Variants in KCNH1 observed in about 807,000 individuals in gnomAD.
KCNH1 encodes the protein potassium voltage-gated channel subfamily H member 1.
In KCNH1, 27 loss-of-function variants were observed where a neutral mutation model predicts 69.2. That is an observed-to-expected ratio of 0.39 (90% CI 0.29 to 0.54). The LOEUF (loss-of-function observed/expected upper bound fraction) is 0.54. Among genes scored for constraint, KCNH1 ranks in the 20% least tolerant of loss-of-function variants. KCNH1 has a pLI of 0.68. For missense variants in KCNH1, 798 were observed against 1,261.6 expected (o/e 0.63, Z 5.57); for synonymous variants, 456 against 487.7 (o/e 0.93, Z 0.86).
intron 5 of KCNH1, among the ~76,000 whole-genome samples, chr1:211,026,282 A>C (rs1689681786): frequency 6.6e-6 from 1 of 151,614 alleles, no homozygotes; most frequent in Admixed American, 6.6e-5. Context: ...TAGGAATGAC[A>C]CAGTGGTGAG....
intron 6 of KCNH1, among the ~76,000 whole-genome samples, chr1:210,979,217 T>C (rs1276860147): frequency 1.3e-5 from 2 of 152,116 alleles, no homozygotes; most frequent in Admixed American, 1.3e-4. Flanking sequence ...AAAGCTGTAG[T>C]AGGAGGAGGG....
intron 2 of KCNH1, among the ~76,000 whole-genome samples, chr1:211,105,518 C>T (rs1215261960): frequency 2.6e-5 from 4 of 152,134 alleles, no homozygotes; most frequent in Non-Finnish European, 5.9e-5. Flanking sequence ...AAAGAGACTC[C>T]TGAGCTATCA....
intron 10 of KCNH1, among the ~76,000 whole-genome samples, chr1:210,748,970 C>G (rs1010473647): frequency 1.3e-5 from 2 of 152,234 alleles, no homozygotes; most frequent in African/African-American, 4.8e-5. Flanking sequence ...TTCACAGACT[C>G]TCCTTGCCCT....
At chr1:211,105,805 A>G (rs1691338830) in intron 2 of KCNH1, among the ~76,000 whole-genome samples, 1 of 152,202 alleles carries the variant, frequency 6.6e-6, no homozygotes, top group Non-Finnish European at 1.5e-5. Context: ...ATCTATAAAT[A>G]CCTAAGAGGA....
intron 5 of KCNH1, among the ~76,000 whole-genome samples, chr1:211,072,089 A>C (rs1404033966): frequency 6.6e-6 from 1 of 152,182 alleles, no homozygotes; most frequent in Non-Finnish European, 1.5e-5. Flanking sequence ...CAGCCTGGCC[A>C]GCATGGTGAA....
chr1:210,918,484 G>A (rs1326835668), intron 7 of KCNH1, among the ~76,000 whole-genome samples: 1 of 152,120 alleles, frequency 6.6e-6, no homozygotes, highest in Non-Finnish European at 1.5e-5. Flanking sequence ...TTCCATCCCA[G>A]TTAGGTCCCT....
At chr1:211,042,817 A>C (rs1690021751) in intron 5 of KCNH1, among the ~76,000 whole-genome samples, 1 of 152,196 alleles carries the variant, frequency 6.6e-6, no homozygotes, top group Non-Finnish European at 1.5e-5. Flanking sequence ...TCCAAAAGGA[A>C]CCTTCAAAGC....
At chr1:210,907,738 G>A (rs1381752260) in intron 7 of KCNH1, among the ~76,000 whole-genome samples, 2 of 152,134 alleles carry the variant, frequency 1.3e-5, no homozygotes, top group African/African-American at 2.4e-5. Flanking sequence ...CCATCCCAGT[G>A]GGGGTGGGGG....
At chr1:210,817,189 C>T (rs1044020393) in intron 7 of KCNH1, among the ~76,000 whole-genome samples, 1 of 152,100 alleles carries the variant, frequency 6.6e-6, no homozygotes, top group South Asian at 2.1e-4. Context: ...CAATCTTCTA[C>T]CACATGGGAT....
At chr1:210,747,351 C>T (rs1683182535) in intron 10 of KCNH1, among the ~76,000 whole-genome samples, 1 of 151,894 alleles carries the variant, frequency 6.6e-6, no homozygotes, top group Admixed American at 6.6e-5. Context: ...AAATCAGGGT[C>T]TAAGGAGGTA....
intron 7 of KCNH1, among the ~76,000 whole-genome samples, chr1:210,871,365 C>T (rs1012440662): frequency 2.0e-5 from 3 of 152,152 alleles, no homozygotes; most frequent in African/African-American, 4.8e-5. Context: ...CCATCTCACA[C>T]CAGTTAGAAT....
At chr1:211,028,473 T>G (rs905562039) in intron 5 of KCNH1, among the ~76,000 whole-genome samples, 15 of 150,890 alleles carry the variant, frequency 9.9e-5, no homozygotes, top group Admixed American at 6.6e-5. Flanking sequence ...TCGATGAAAT[T>G]AAAAACAGGA....
At chr1:210,938,016 A>C (rs1041313921) in intron 6 of KCNH1, among the ~76,000 whole-genome samples, 1 of 152,178 alleles carries the variant, frequency 6.6e-6, no homozygotes, top group East Asian at 1.9e-4. Flanking sequence ...TCCTGACCTC[A>C]AGACCTCTAT....
intron 9 of KCNH1, among the ~76,000 whole-genome samples, chr1:210,793,262 G>A (rs1419516828): frequency 6.6e-6 from 1 of 152,120 alleles, no homozygotes; most frequent in East Asian, 1.9e-4. Context: ...CTAGGTTTCT[G>A]GGACCACGTT....
chr1:211,131,902 C>T (rs1014703025), intron 1 of KCNH1, among the ~76,000 whole-genome samples: 4 of 152,114 alleles, frequency 2.6e-5, no homozygotes, highest in African/African-American at 7.2e-5. Context: ...AATGACAATG[C>T]CCATCCTAAA....
At chr1:210,987,871 G>C (rs897180225) in intron 6 of KCNH1, among the ~76,000 whole-genome samples, 1 of 152,218 alleles carries the variant, frequency 6.6e-6, no homozygotes, top group African/African-American at 2.4e-5. Flanking sequence ...TCTGTGCCCT[G>C]CCCCTAGAGG....
At chr1:210,903,522 A>G (rs1470784952) in intron 7 of KCNH1, among the ~76,000 whole-genome samples, 1 of 152,150 alleles carries the variant, frequency 6.6e-6, no homozygotes, top group Non-Finnish European at 1.5e-5. Context: ...AAATAGCAAA[A>G]TTTTTTTCAT....
chr1:211,050,888 AT>A (rs1269727849), intron 5 of KCNH1, among the ~76,000 whole-genome samples: 1 of 152,196 alleles, frequency 6.6e-6, no homozygotes, highest in Non-Finnish European at 1.5e-5. Context: ...TCCTTTTCTC[AT>A]TCATTCATTC....
chr1:211,090,517 G>GAGCC (rs774427565), intron 4 of KCNH1, 45 bp downstream of exon 4: 1 of 1,539,168 alleles, frequency 6.5e-7, no homozygotes, highest in African/African-American at 1.4e-5. Context: ...CCACAATAAA[G>GAGCC]ACAAAAAAGG....
Sources: gnomAD v4.1 joint callset for allele counts (sites outside exome capture counted in the v4.1 genomes callset) on GRCh38, gnomAD v4.1.1 for gene constraint, MANE v1.5 for transcripts, NCBI Gene and HGNC (gene_info 2026-07-23, HGNC 2026-07-21) for gene names.